The following ME3 variants were observed in gnomAD, a reference collection of about 807,000 sequenced individuals.
The protein encoded by ME3 is NADP-dependent malic enzyme, mitochondrial.
ME3 carries 48 observed loss-of-function variants against 68.9 expected under a neutral mutation model. The observed-to-expected ratio is 0.70, with a 90% CI of 0.55 to 0.89. ME3 has a LOEUF of 0.89. Among genes scored for constraint, ME3 ranks in the 40% least tolerant of loss-of-function variants. The pLI is 0.00. For synonymous variants in ME3, 320 were observed against 318.8 expected (o/e 1.00, Z -0.04); for missense variants, 675 against 797.4 (o/e 0.85, Z 1.85).
chr11:86,447,729 G>A (rs1050745780), intron 11 of ME3, among the ~76,000 whole-genome samples: 5 of 151,928 alleles, frequency 3.3e-5, no homozygotes, highest in Non-Finnish European at 5.9e-5. Flanking sequence ...ATGGTGGCGG[G>A]CACCTATAAT....
At chr11:86,536,090 G>A (rs1191229394) in intron 4 of ME3, among the ~76,000 whole-genome samples, 1 of 152,182 alleles carries the variant, frequency 6.6e-6, no homozygotes, top group Non-Finnish European at 1.5e-5. Flanking sequence ...TGGGGAGTCA[G>A]TGAATTTCCT....
intron 13 of ME3, 152 bp from the exon 14 acceptor site, chr11:86,443,071 G>T: frequency 1.7e-6 from 1 of 602,360 alleles, no homozygotes; most frequent in Non-Finnish European, 2.9e-6. Context: ...GAAGCTTAAT[G>T]CTTGGGCGTA....
chr11:86,515,917 G>A (rs774354575), intron 4 of ME3, among the ~76,000 whole-genome samples: 1 of 152,314 alleles, frequency 6.6e-6, no homozygotes, highest in Middle Eastern at 3.4e-3. Flanking sequence ...CTCTGCAGAG[G>A]TGCAGAAACA....
At chr11:86,448,276 A>G in intron 10 of ME3, 21 bp from the exon 11 acceptor site, 1 of 1,586,684 alleles carries the variant, frequency 6.3e-7, no homozygotes. Flanking sequence ...AGGAACACAG[A>G]GCAGTTGTGG....
At chr11:86,468,164 C>A (rs1565819275) in intron 7 of ME3, among the ~76,000 whole-genome samples, 1 of 152,198 alleles carries the variant, frequency 6.6e-6, no homozygotes, top group Non-Finnish European at 1.5e-5. Flanking sequence ...TGCACCAAGA[C>A]CTCTGAGCCC....
intron 2 of ME3, among the ~76,000 whole-genome samples, chr11:86,664,592 C>G (rs1382469782): frequency 6.6e-6 from 1 of 152,128 alleles, no homozygotes; most frequent in Non-Finnish European, 1.5e-5. Flanking sequence ...AGCAGAGGCT[C>G]TGAGTGGTTT....
chr11:86,476,311 C>T (rs573782262), intron 7 of ME3, among the ~76,000 whole-genome samples: 48 of 152,296 alleles, frequency 3.2e-4, no homozygotes, highest in Non-Finnish European at 1.3e-4. Context: ...GGCTCTGCCT[C>T]TGTAACAGAG....
intron 2 of ME3, among the ~76,000 whole-genome samples, chr11:86,618,046 G>T (rs1423414499): frequency 6.6e-6 from 1 of 152,056 alleles, no homozygotes; most frequent in Non-Finnish European, 1.5e-5. Context: ...AGTGGCTCAT[G>T]CCATCGCTCT....
At chr11:86,439,931 T>C (rs1948926577), downstream of ME3, among the ~76,000 whole-genome samples, 2 of 152,216 alleles carry the variant, frequency 1.3e-5, no homozygotes, top group African/African-American at 4.8e-5. Flanking sequence ...TTTTTCATTC[T>C]CTATGATCCC....
intron 2 of ME3, among the ~76,000 whole-genome samples, chr11:86,655,464 C>A (rs1945799178): frequency 6.6e-6 from 1 of 152,152 alleles, no homozygotes; most frequent in South Asian, 2.1e-4. Context: ...ATTATCTGAT[C>A]TTTGACAAAC....
chr11:86,502,347 A>G (rs548060469), intron 5 of ME3, among the ~76,000 whole-genome samples: 1 of 152,288 alleles, frequency 6.6e-6, no homozygotes, highest in South Asian at 2.1e-4. Context: ...TATTATAGTT[A>G]TGTACATTTC....
chr11:86,505,448 TCTC>T (rs1953007878), intron 5 of ME3, among the ~76,000 whole-genome samples: 1 of 152,098 alleles, frequency 6.6e-6, no homozygotes, highest in African/African-American at 2.4e-5. Flanking sequence ...TCTCATGAAA[TCTC>T]CTGATTTAAA....
rs79508710 is a variant in ME3, at chr11:86,622,424, C to T, written c.183+49338G>A. Reference sequence around the variant, plus strand: ...AGTTGTTTGCTGCTCACTCAGTGCTCTCTTGAGATGAGAATACCTAATAGT... The same window carrying T: ...AGTTGTTTGCTGCTCACTCAGTGCTTTCTTGAGATGAGAATACCTAATAGT... On this transcript the variant is annotated intron_variant, in intron 2 of 14. Coordinates refer to ENST00000543262, the Ensembl canonical transcript of ME3. Among the ~76,000 whole-genome samples the T allele has an allele frequency of 4.4e-4, 67 of 151,990 alleles. No individual in the cohort carries two copies. The East Asian group carries it at 0.013, about 28-fold the overall frequency.
At chr11:86,529,123 GAAGAA>G (rs1490659349) in intron 4 of ME3, among the ~76,000 whole-genome samples, 5 of 152,024 alleles carry the variant, frequency 3.3e-5, no homozygotes, top group Non-Finnish European at 7.4e-5. Context: ...GACTAATAAA[GAAGAA>G]AAGAGAGAAG....
intron 7 of ME3, among the ~76,000 whole-genome samples, chr11:86,486,218 CT>C (rs748941538): frequency 6.6e-6 from 1 of 152,174 alleles, no homozygotes; most frequent in East Asian, 1.9e-4. Context: ...TACTCAAGGA[CT>C]TTTTCCCCCC....
At chr11:86,534,072 TG>T in intron 4 of ME3, among the ~76,000 whole-genome samples, 1 of 29,550 alleles carries the variant, frequency 3.4e-5, no homozygotes, top group African/African-American at 1.0e-4. Flanking sequence ...ATGAGGTGTG[TG>T]TGTGTGTGTA....
chr11:86,493,740 C>T (rs940512806), intron 6 of ME3, among the ~76,000 whole-genome samples: 2 of 152,190 alleles, frequency 1.3e-5, no homozygotes, highest in Non-Finnish European at 2.9e-5. Flanking sequence ...TTGGTATTGG[C>T]AGGTAAAAGT....
chr11:86,650,270 A>G (rs993002731), intron 2 of ME3, among the ~76,000 whole-genome samples: 10 of 152,222 alleles, frequency 6.6e-5, no homozygotes, highest in Non-Finnish European at 1.2e-4. Flanking sequence ...GAAAACTGAA[A>G]CTGGACCCCT....
At chr11:86,615,209 C>CAATTTGAG (rs1335475638) in intron 2 of ME3, among the ~76,000 whole-genome samples, 1 of 152,030 alleles carries the variant, frequency 6.6e-6, no homozygotes, top group Non-Finnish European at 1.5e-5. Flanking sequence ...TTCAAGGCCA[C>CAATTTGAG]AATTTGAGAA....
Sources: gnomAD v4.1 joint callset for allele counts (sites outside exome capture counted in the v4.1 genomes callset) on GRCh38, gnomAD v4.1.1 for gene constraint, MANE v1.5 for transcripts, NCBI Gene and HGNC (gene_info 2026-07-23, HGNC 2026-07-21) for gene names.